The following HERC1 variants were observed in gnomAD, a reference collection of about 807,000 sequenced individuals.
HERC1 encodes probable E3 ubiquitin-protein ligase HERC1.
HERC1 carries 160 observed loss-of-function variants against 554.3 expected under a neutral mutation model. The observed-to-expected ratio is 0.29, with a 90% CI of 0.25 to 0.33. HERC1 has a LOEUF of 0.33. Among genes scored for constraint, HERC1 ranks in the 10% least tolerant of loss-of-function variants. The pLI is 1.00. For synonymous variants in HERC1, 2,175 were observed against 2,131.7 expected (o/e 1.02, Z -0.56); for missense variants, 4,919 against 5,918.5 (o/e 0.83, Z 5.54).
At chr15:63,778,960 GAAGA>G (rs1428181130) in intron 1 of HERC1, among the ~76,000 whole-genome samples, 3 of 151,736 alleles carry the variant, frequency 2.0e-5, no homozygotes, top group African/African-American at 4.8e-5. Context: ...AAAAGGAAAG[GAAGA>G]AAGAAAGGGA....
chr15:63,698,280 T>C (rs1272440713), intron 26 of HERC1, among the ~76,000 whole-genome samples: 2 of 152,036 alleles, frequency 1.3e-5, no homozygotes, highest in African/African-American at 4.8e-5. Flanking sequence ...TAGCCAAGCA[T>C]GGTGGCGCAT....
intron 1 of HERC1, among the ~76,000 whole-genome samples, chr15:63,796,318 T>C (rs1596277265): frequency 2.0e-5 from 3 of 152,364 alleles, no homozygotes; most frequent in East Asian, 3.9e-4. Context: ...TTTCATTTAA[T>C]ATGTGGATAA....
intron 64 of HERC1, among the ~76,000 whole-genome samples, chr15:63,636,480 A>G (rs532992574): frequency 7.9e-5 from 12 of 152,198 alleles, no homozygotes; most frequent in African/African-American, 2.6e-4. Context: ...CATGCTGGCC[A>G]GGCTGGTCAT....
At chr15:63,684,004 G>A (rs1199984143) in intron 34 of HERC1, among the ~76,000 whole-genome samples, 1 of 152,214 alleles carries the variant, frequency 6.6e-6, no homozygotes, top group Admixed American at 6.5e-5. Flanking sequence ...ATCTGGGACT[G>A]TTGTGGATTT....
intron 6 of HERC1, 32 bp downstream of exon 6, chr15:63,755,197 G>C (rs755330650): frequency 7.0e-7 from 1 of 1,425,468 alleles, no homozygotes; most frequent in Middle Eastern, 1.8e-4. Flanking sequence ...TAATTTTCTA[G>C]AAGAATAACT....
At chr15:63,793,491 C>T (rs945198785) in intron 1 of HERC1, among the ~76,000 whole-genome samples, 5 of 152,080 alleles carry the variant, frequency 3.3e-5, no homozygotes, top group African/African-American at 1.2e-4. Flanking sequence ...GGGGGAGGAA[C>T]CCTCAGTTTC....
At chr15:63,805,159 A>C (rs2077099735) in intron 1 of HERC1, among the ~76,000 whole-genome samples, 1 of 152,234 alleles carries the variant, frequency 6.6e-6, no homozygotes, top group Non-Finnish European at 1.5e-5. Context: ...ATAATAGCCA[A>C]AAACTGGAAA....
rs372797630 is a variant in HERC1 at position 63,692,363 on chromosome 15, G to A, written c.5830+48C>T. The A allele has an allele frequency of 3.0e-4, 425 of 1,406,350 alleles. No individual in the cohort carries two copies. Among genetic ancestry groups the A allele is most frequent in the Non-Finnish European group, 3.8e-4 (397 of 1,047,276 alleles). The allele number at this position is 1,406,350 out of a possible 1,614,324, so 87.1% of individuals were successfully genotyped here. On this transcript the variant is annotated intron_variant, in intron 31 of 77. Transcript: ENST00000443617. This position sits in a 1 kb window ranked among gnomAD's most constrained non-coding sequence, Gnocchi z 4.7. Reference sequence around the variant, plus strand: ...AAGTCTGGCATTATCTTAATAAAATGCAAGTAATATCTATAAATACTCTAA... The same window carrying A: ...AAGTCTGGCATTATCTTAATAAAATACAAGTAATATCTATAAATACTCTAA...
At position 63,725,153 on chromosome 15, in the gene HERC1, G is replaced by A. The variant is rs201530332; in HGVS notation, c.3568+139C>T. The A allele has an allele frequency of 9.7e-6, 7 of 718,376 alleles. No individual in the cohort carries two copies. In the East Asian group the frequency reaches 1.9e-4, roughly 19 times the overall value. 44.5% of individuals were successfully genotyped at this position (718,376 alleles called of 1,614,324 possible). On this transcript the variant is annotated intron_variant, in intron 18 of 77. Transcript: ENST00000443617. ...TTAACCATTTTTCTTAGGGCTCCAA[G>A]TCATAGCCCCAGATTCCCTACACTG... is the stretch of plus-strand genomic sequence containing the variant.
At chr15:63,706,880 T>C (rs898730335) in intron 24 of HERC1, 49 bp from the exon 25 acceptor site, 4 of 1,203,580 alleles carry the variant, frequency 3.3e-6, no homozygotes, top group South Asian at 2.7e-5. Context: ...TGAAAAGTAT[T>C]TTAAGATTAA....
At chr15:63,717,063 G>T (rs1299076220) in intron 21 of HERC1, among the ~76,000 whole-genome samples, 1 of 152,112 alleles carries the variant, frequency 6.6e-6, no homozygotes, top group Non-Finnish European at 1.5e-5. Flanking sequence ...TACTCAGACA[G>T]TCATAAATAC....
At chr15:63,706,614 C>A (rs1476672467) in intron 25 of HERC1, among the ~76,000 whole-genome samples, 166 bp downstream of exon 25, 1 of 151,974 alleles carries the variant, frequency 6.6e-6, no homozygotes, top group African/African-American at 2.4e-5. Context: ...TTTAACTCTT[C>A]TGATAAAATG....
chr15:63,635,820 T>C, intron 65 of HERC1, 141 bp downstream of exon 65: 1 of 912,932 alleles, frequency 1.1e-6, no homozygotes, highest in Non-Finnish European at 1.7e-6. Flanking sequence ...AGAATGAATC[T>C]GAACATCCAA....
At chr15:63,747,418 C>A (rs1312593405) in intron 11 of HERC1, among the ~76,000 whole-genome samples, 1 of 151,932 alleles carries the variant, frequency 6.6e-6, no homozygotes, top group Non-Finnish European at 1.5e-5. Flanking sequence ...TGAGATCATG[C>A]CACTGCACTC....
chr15:63,678,329 G>T lies in HERC1; in HGVS notation c.6586C>A (p.Arg2196=), dbSNP rs774206954. 1.2e-6 allele frequency: 2 copies of T among 1,610,486 alleles called. No individual in the cohort carries two copies. ...ICDMQMRGTP[R]DLLPGDPICS... ...ATAGGGTCTCCTGGAAGTAAGTCTCGGGGTGTGCCACGCATCTGCATATCA... is the reference window on the plus strand; with the variant it reads ...ATAGGGTCTCCTGGAAGTAAGTCTCTGGGTGTGCCACGCATCTGCATATCA... The change falls in exon 37 of 78, where the codon CGA becomes AGA. Residue 2196 remains arginine (R), a synonymous_variant. Transcript: ENST00000443617.
rs1457726246 is a variant in HERC1 at position 63,698,900 on chromosome 15, G to A, written c.4733C>T (p.Ser1578Leu). ...WLCNSSYSFE[S>L]DFDLTKSLGV... ...CAAAGACTTGGTAAGATCAAAATCT[G>A]ACTCAAAGGAATAGGAGGAGTTGCA... Residue 1578 changes from serine to leucine, a missense_variant, in exon 26 of 78, where the codon TCA becomes TTA. By Grantham distance (145) the Ser-to-Leu change is moderately radical. Around this residue, in one of 11 missense-constraint regions of HERC1, gnomAD observed 1,121 missense variants for 1,244.0 expected, o/e 0.90. Coordinates refer to ENST00000443617, the MANE Select transcript of HERC1 (RefSeq NM_003922.4). The A allele has an allele frequency of 1.9e-6, 3 of 1,613,856 alleles. No individual in the cohort carries two copies. Among genetic ancestry groups the A allele is most frequent in the Middle Eastern group, 1.6e-4 (1 of 6,062 alleles).
At chr15:63,640,956 A>T (rs1322533340) in intron 60 of HERC1, among the ~76,000 whole-genome samples, 1 of 152,242 alleles carries the variant, frequency 6.6e-6, no homozygotes, top group Non-Finnish European at 1.5e-5. Context: ...AGGCTACTTT[A>T]GGATCACTGT....
intron 12 of HERC1, among the ~76,000 whole-genome samples, chr15:63,735,522 T>C (rs1199966759): frequency 6.6e-6 from 1 of 150,994 alleles, no homozygotes; most frequent in African/African-American, 2.5e-5. Context: ...TGTGCACATG[T>C]ACCCTAAAAT....
rs777637261 is a variant in HERC1, at chr15:63,698,737, T to C, written c.4896A>G (p.Leu1632=). Residue 1632 remains leucine, a synonymous_variant, in exon 26 of 78, where the codon TTA becomes TTG. Transcript: ENST00000443617. The part of the protein sequence containing the change: ...ASIIAMEQQQ[L]RAELRLEALH... ...AATATCAAAGACTTACTTCTGCCCT[T>C]AACTGCTGCTGTTCCATTGCAATGA... is the stretch of plus-strand genomic sequence containing the variant. The C allele has an allele frequency of 6.2e-7, 1 of 1,613,414 alleles. No homozygotes were observed. The highest frequency in any genetic ancestry group is 1.7e-5 in the Admixed American group (1 of 59,920).
Sources: gnomAD v4.1 joint callset for allele counts (sites outside exome capture counted in the v4.1 genomes callset) on GRCh38, gnomAD v4.1.1 for gene constraint, gnomAD v4.1.1 regional missense constraint, Gnocchi (gnomAD v3.1) non-coding constraint, MANE v1.5 for transcripts, NCBI Gene and HGNC (gene_info 2026-07-23, HGNC 2026-07-21) for gene names.